Variants in PCLO observed in about 807,000 individuals in gnomAD.
The protein encoded by PCLO is piccolo presynaptic cytomatrix protein, also known as protein piccolo.
PCLO carries 82 observed loss-of-function variants against 427.5 expected under a neutral mutation model. The ratio of observed to expected loss-of-function variants is 0.19; its 90% CI spans 0.16 to 0.23. The LOEUF (loss-of-function observed/expected upper bound fraction) is 0.23. Ranked by LOEUF, PCLO falls within the 10% of genes least tolerant of loss-of-function variation. The probability of loss-of-function intolerance (pLI) is 1.00; values close to 1 mark genes in which losing one functional copy is unlikely to be tolerated. For synonymous variants in PCLO, 2,357 were observed against 2,155.4 expected (o/e 1.09, Z -2.59); for missense variants, 6,239 against 6,115.9 (o/e 1.02, Z -0.67).
intron 3 of PCLO, among the ~76,000 whole-genome samples, chr7:83,068,055 TGGG>T (rs1372588446): frequency 2.2e-5 from 3 of 139,298 alleles, no homozygotes; most frequent in African/African-American, 8.1e-5. Flanking sequence ...TTAACAATAT[TGGG>T]TAATATATAA....
At chr7:82,836,389 T>G (rs1162430278) in intron 15 of PCLO, among the ~76,000 whole-genome samples, 3 of 152,168 alleles carry the variant, frequency 2.0e-5, no homozygotes, top group Non-Finnish European at 2.9e-5. Flanking sequence ...AATGAAGTTA[T>G]CAGTTTGTTG....
In PCLO at chr7:82,845,399, G is replaced by A. The variant is rs2115806440; in HGVS notation, c.13918C>T (p.Leu4640=). Residue 4640 remains leucine (L), a synonymous_variant, in exon 13 of 25, where the codon CTG becomes TTG. Transcript: ENST00000333891. ...KVSLQQSPLV[L]SSVVEKGSHV... is the part of the protein sequence containing the mutation. ...GATCCTTTTTCAACAACTGATGACA[G>A]AACCAGCGGTGACTGCTGTAGTGAA... 2 of 1,613,160 alleles carry A rather than the reference G, an allele frequency of 1.2e-6. No homozygotes were observed. The highest frequency in any genetic ancestry group is 8.5e-7 in the Non-Finnish European group (1 of 1,179,448).
chr7:82,965,701 T>G (rs1428068619), intron 4 of PCLO, 70 bp downstream of exon 4: 7 of 1,021,948 alleles, frequency 6.8e-6, no homozygotes, highest in Non-Finnish European at 1.0e-5. Context: ...ATTGAGCAAC[T>G]TGTATACTTA....
At chr7:83,000,196 T>C (rs1787782478) in intron 3 of PCLO, among the ~76,000 whole-genome samples, 1 of 150,730 alleles carries the variant, frequency 6.6e-6, no homozygotes, top group African/African-American at 2.4e-5. Flanking sequence ...GGAATGAAGA[T>C]AATAATTACA....
intron 6 of PCLO, among the ~76,000 whole-genome samples, chr7:82,922,050 A>G (rs1794607832): frequency 6.6e-6 from 1 of 152,028 alleles, no homozygotes; most frequent in African/African-American, 2.4e-5. Context: ...ACCAGTCAGA[A>G]TGGCTATTAT....
In PCLO at chr7:82,828,009, T is replaced by C. The variant is rs982699408; in HGVS notation, c.14250-43A>G. ...AAAGAGTTATCTTGATTATTCACCTTAGTTTATGACTTCACAGTTAAACTA... is the reference window on the plus strand; with the variant it reads ...AAAGAGTTATCTTGATTATTCACCTCAGTTTATGACTTCACAGTTAAACTA... On this transcript the variant is annotated intron_variant, in intron 16 of 24. Transcript: ENST00000333891. 15 of 1,114,262 alleles carry C rather than the reference T, an allele frequency of 1.3e-5. No individual in the cohort carries two copies. The Admixed American group carries it at 2.4e-4, about 18-fold the overall frequency. The allele number at this position is 1,114,262 out of a possible 1,614,324, so 69.0% of individuals were successfully genotyped here.
At chr7:82,802,548 C>T (rs1791376680) in intron 21 of PCLO, among the ~76,000 whole-genome samples, 1 of 152,056 alleles carries the variant, frequency 6.6e-6, no homozygotes. Context: ...AGCTACATGG[C>T]ACATGAAGAA....
intron 7 of PCLO, among the ~76,000 whole-genome samples, chr7:82,910,338 A>G (rs1794292198): frequency 6.6e-6 from 1 of 152,096 alleles, no homozygotes; most frequent in African/African-American, 2.4e-5. Flanking sequence ...AACCCACAGC[A>G]TATGTACCAC....
chr7:83,053,268 C>A (rs190537228), intron 3 of PCLO, among the ~76,000 whole-genome samples: 2 of 143,498 alleles, frequency 1.4e-5, no homozygotes, highest in African/African-American at 5.0e-5. Flanking sequence ...TCCCTTTCCA[C>A]GCTGCTCTTA....
chr7:82,985,055 C>T (rs1370765264), intron 3 of PCLO, among the ~76,000 whole-genome samples: 1 of 151,888 alleles, frequency 6.6e-6, no homozygotes, highest in African/African-American at 2.4e-5. Context: ...TAATAACTGA[C>T]TGAAACTAGT....
At chr7:83,078,415 A>G (rs570727046) in intron 3 of PCLO, among the ~76,000 whole-genome samples, 8 of 152,176 alleles carry the variant, frequency 5.3e-5, no homozygotes, top group South Asian at 4.1e-4. Flanking sequence ...CCTAAAAAGA[A>G]CTATATTTTA....
intron 15 of PCLO, 105 bp from the exon 16 acceptor site, chr7:82,835,798 T>A: frequency 2.4e-6 from 2 of 833,152 alleles, no homozygotes; most frequent in South Asian, 1.5e-5. Context: ...ATGAAAATAA[T>A]AACTAGAGGA....
rs1294624430 is a variant in PCLO, at chr7:82,756,376, A to G, written c.*2199T>C. 1 of 152,064 alleles carries G rather than the reference A, an allele frequency of 6.6e-6. No homozygotes were observed. The highest frequency in any genetic ancestry group is 1.5e-5 in the Non-Finnish European group (1 of 67,996). 9.4% of individuals were successfully genotyped at this position (152,064 alleles called of 1,614,324 possible). ...AGTTTCTAAAAATAAAATACTAGCA[A>G]TATAATGTCTTTGATGATTCCACTC... On this transcript the variant is annotated 3_prime_UTR_variant, in exon 25 of 25. Coordinates refer to ENST00000333891, the MANE Select transcript of PCLO (RefSeq NM_033026.6).
intron 3 of PCLO, among the ~76,000 whole-genome samples, chr7:83,006,164 C>T (rs1787940965): frequency 6.6e-6 from 1 of 151,580 alleles, no homozygotes; most frequent in Non-Finnish European, 1.5e-5. Flanking sequence ...AGAGCCACAG[C>T]TTTAAAAATA....
intron 21 of PCLO, among the ~76,000 whole-genome samples, chr7:82,804,455 G>A (rs1370848223): frequency 1.3e-5 from 2 of 151,544 alleles, no homozygotes; most frequent in African/African-American, 4.8e-5. Context: ...TATTATAATT[G>A]TTGTGGACAT....
At chr7:82,852,810 G>A (rs1187286238) in intron 10 of PCLO, among the ~76,000 whole-genome samples, 1 of 151,964 alleles carries the variant, frequency 6.6e-6, no homozygotes, top group Non-Finnish European at 1.5e-5. Context: ...TTGAACACTG[G>A]ATCTTATTTA....
Position 82,756,738 on chromosome 7 carries a change from G to A in PCLO, c.*1837C>T, listed in dbSNP as rs1790327273. 6.6e-6 allele frequency: 1 copy of A among 151,968 alleles called. No individual in the cohort carries two copies. The highest frequency in any genetic ancestry group is 2.1e-4 in the South Asian group (1 of 4,820). The allele number at this position is 151,968 out of a possible 1,614,324, so 9.4% of individuals were successfully genotyped here. On this transcript the variant is annotated 3_prime_UTR_variant, in exon 25 of 25. Coordinates refer to ENST00000333891, the MANE Select transcript of PCLO (RefSeq NM_033026.6). ...AGGTTTTAAGCTCAGAATGCTCTGA[G>A]AAGCAATTTGATTTATTTCTTTTGG...
chr7:82,880,446 G>A (rs755139469), intron 9 of PCLO: 4 of 403,564 alleles, frequency 9.9e-6, no homozygotes, highest in South Asian at 1.8e-5. Context: ...GTCTCACTAT[G>A]TTGTCCAAGC....
chr7:82,910,282 T>G (rs1794291251), intron 7 of PCLO, among the ~76,000 whole-genome samples: 2 of 152,034 alleles, frequency 1.3e-5, no homozygotes, highest in Non-Finnish European at 2.9e-5. Flanking sequence ...CTCCCAACCT[T>G]TTCCCCTAGG....
Sources: allele counts gnomAD v4.1 joint callset (sites outside exome capture counted in the v4.1 genomes callset), GRCh38; gene constraint gnomAD v4.1.1; transcripts MANE v1.5; gene names NCBI Gene and HGNC (gene_info 2026-07-23, HGNC 2026-07-21).